The following CPXM1 variants were observed in gnomAD, a reference collection of about 807,000 sequenced individuals.
The protein encoded by CPXM1 is carboxypeptidase X, M14 family member 1, also known as probable carboxypeptidase X1.
Under a neutral mutation model 80.4 loss-of-function variants are expected in CPXM1, and 72 were observed. That is an observed-to-expected ratio of 0.90 (90% confidence interval 0.74 to 1.09). The LOEUF (loss-of-function observed/expected upper bound fraction) is 1.09. CPXM1 is among the 50% of genes least tolerant of loss of function. The pLI is 0.00. For missense variants in CPXM1, 892 were observed against 999.4 expected, an observed-to-expected ratio of 0.89 and a Z score of 1.45; for synonymous variants, 403 against 405.6, an observed-to-expected ratio of 0.99 and a Z score of 0.08.
At position 2,796,069 on chromosome 20, in the gene CPXM1, C is replaced by T; in HGVS notation, c.1335G>A (p.Trp445Ter). ...GCACCTTCCCATCGTCCTGTGCTTCCCACAGTGGTGTGTTGAGGTCAGCAA... is the reference window on the plus strand; with the variant it reads ...GCACCTTCCCATCGTCCTGTGCTTCTCACAGTGGTGTGTTGAGGTCAGCAA... ...HNFADLNTPL[W>*]EAQDDGKVPH... Residue 445 changes from tryptophan to a stop codon, truncating the protein, a stop_gained, in exon 10 of 14, where the codon TGG (tryptophan) becomes TGA (stop). Transcript: ENST00000380605. LOFTEE classifies it high-confidence loss of function. This position sits in a 1 kb window ranked among gnomAD's most constrained non-coding sequence, Gnocchi z 6.8. 1.2e-6 allele frequency: 2 copies of T among 1,614,070 alleles called. No individual in the cohort carries two copies. The highest frequency in any genetic ancestry group is 1.7e-6 in the Non-Finnish European group (2 of 1,179,984).
chr20:2,794,145 G>A lies in CPXM1; in HGVS notation c.*45C>T, dbSNP rs557553461. The A allele has an allele frequency of 4.0e-5, 63 of 1,556,978 alleles. No individual in the cohort carries two copies. The highest frequency in any genetic ancestry group is 1.1e-4 in the East Asian group (5 of 44,302). ...CTCCCTCTCTACTCTTCCCCTTCCC[G>A]TCTTGACAGGTCCAGCCTGCCCTAG... is the stretch of plus-strand genomic sequence containing the variant. On this transcript the variant is annotated 3_prime_UTR_variant, in exon 14 of 14. Transcript: ENST00000380605. The surrounding 1 kb of genome is among the most constrained non-coding windows in gnomAD (Gnocchi z 5.2).
chr20:2,795,764 C>T lies in CPXM1; in HGVS notation c.1555G>A (p.Glu519Lys), dbSNP rs758008735. The stretch of plus-strand genomic sequence containing the variant: ...GCATCATCTGGTGTGGGCGTGAGCT[C>T]GCGGGCAGCCCACGGGGTGCGAGTC... ...DMTRTPWAARELTPTPDDAVF... is the reference protein window; with the variant it reads ...DMTRTPWAARKLTPTPDDAVF... Residue 519 changes from glutamate (E) to lysine (K), a missense_variant, in exon 11 of 14, where the codon GAG becomes AAG. By Grantham distance (56) the Glu-to-Lys change is moderately conservative. Coordinates refer to ENST00000380605, the MANE Select transcript of CPXM1 (RefSeq NM_019609.5). This position sits in a 1 kb window ranked among gnomAD's most constrained non-coding sequence, Gnocchi z 5.4. The T allele has an allele frequency of 7.4e-6, 12 of 1,613,270 alleles. No homozygotes were observed. The African/African-American group carries it at 9.3e-5, about 13-fold the overall frequency.
chr20:2,799,719 C>T (rs1338055916), intron 1 of CPXM1, among the ~76,000 whole-genome samples: 1 of 152,216 alleles, frequency 6.6e-6, no homozygotes, highest in Non-Finnish European at 1.5e-5. Flanking sequence ...CGCTCCTCCT[C>T]TCCTATTCCA....
chr20:2,798,946 G>C (rs913831908), intron 1 of CPXM1, 53 bp from the exon 2 acceptor site: 118 of 1,565,900 alleles, frequency 7.5e-5, no homozygotes, highest in Middle Eastern at 5.6e-4. Context: ...TGAAACCCCG[G>C]ATGGAAAGGT....
At position 2,794,313 on chromosome 20, in the gene CPXM1, G is replaced by T. The variant is rs755520149; in HGVS notation, c.2082C>A (p.Phe694Leu). 2 of 1,614,192 alleles carry T rather than the reference G, an allele frequency of 1.2e-6. No homozygotes were observed. The highest frequency in any genetic ancestry group is 2.2e-5 in the East Asian group (1 of 44,878). Residue 694 changes from phenylalanine to leucine, a missense_variant, in exon 14 of 14, where the codon TTC becomes TTA. Physicochemically the swap from Phe to Leu is conservative, Grantham distance 22. This residue lies in a region of CPXM1 where 874 missense variants were observed against 958.4 expected (regional missense o/e 0.91). Coordinates refer to ENST00000380605, the MANE Select transcript of CPXM1 (RefSeq NM_019609.5). This position sits in a 1 kb window ranked among gnomAD's most constrained non-coding sequence, Gnocchi z 5.2. The stretch of plus-strand genomic sequence containing the variant: ...TCTTGGTGAGCACGAAATTGCAGGG[G>T]AAGGGGCCCTCTTCAAAGGTGACCC... ...NCRVTFEEGP[F>L]PCNFVLTKTP...
rs753794101 is a variant in CPXM1 at position 2,797,235 on chromosome 20, G to A, written c.789C>T (p.Gly263=). ...RLLPQTWLQG[G]APCLRAEILA... ...GGATCTCTGCCCGGAGGCAAGGCGC[G>A]CCTCCCTGGAGCCAGGTCTGGGGCA... The change falls in exon 6 of 14, where the codon GGC becomes GGT. Residue 263 remains glycine (G), a synonymous_variant. Transcript: ENST00000380605. 2.3e-5 allele frequency: 36 copies of A among 1,572,238 alleles called. No individual in the cohort carries two copies. Among genetic ancestry groups the A allele is most frequent in the Admixed American group, 1.1e-4 (6 of 54,360 alleles).
rs1436535061 is a variant in CPXM1 at position 2,797,089 on chromosome 20, T to C, written c.838A>G (p.Asn280Asp). 2 of 1,613,872 alleles carry C rather than the reference T, an allele frequency of 1.2e-6. No homozygotes were observed. Among genetic ancestry groups the C allele is most frequent in the African/African-American group, 2.7e-5 (2 of 74,844 alleles). ...GCAGGGGCCTCAAGGAATAGGTCAT[T>C]GGGGTCTGGTGGAGGTTGAGTTTAT... ...EILACPVSDP[N>D]DLFLEAPASG... Residue 280 changes from asparagine (N) to aspartate (D), a missense_variant, in exon 7 of 14, where the codon AAT (asparagine) becomes GAT (aspartate). This residue lies in a region of CPXM1 where 874 missense variants were observed against 958.4 expected (regional missense o/e 0.91). Transcript: ENST00000380605.
Position 2,798,283 on chromosome 20 carries a change from C to T in CPXM1, c.459G>A (p.Leu153=). 6.2e-7 allele frequency: 1 copy of T among 1,613,898 alleles called. No individual in the cohort carries two copies. Among genetic ancestry groups the T allele is most frequent in the Non-Finnish European group, 8.5e-7 (1 of 1,179,968 alleles). The change falls in exon 4 of 14, where the codon CTG becomes CTA. Residue 153 remains leucine, a synonymous_variant. Coordinates refer to ENST00000380605, the MANE Select transcript of CPXM1 (RefSeq NM_019609.5). ...HRGRLNIQSG[L]EDGDLYDGAW... ...CTCCATCATATAGATCGCCGTCCTC[C>T]AGGCCTGACTGCAGACACAGGACAT... is the stretch of plus-strand genomic sequence containing the variant.
Position 2,796,826 on chromosome 20 carries a change from G to T in CPXM1, c.922-176C>A, listed in dbSNP as rs1221534434. On this transcript the variant is annotated intron_variant, in intron 7 of 13. Transcript: ENST00000380605. This position sits in a 1 kb window ranked among gnomAD's most constrained non-coding sequence, Gnocchi z 6.8. ...GGGAGGAAGGGGTAGGACTGGGGGG[G>T]CGCCATAATAAGGGAAAGTGGGATG... Among the ~76,000 whole-genome samples the T allele has an allele frequency of 3.3e-5, 5 of 152,070 alleles. No individual in the cohort carries two copies. The East Asian group carries it at 9.7e-4, about 29-fold the overall frequency.
rs2088539451 is a variant in CPXM1 at position 2,798,913 on chromosome 20, A to T, written c.173-20T>A. On this transcript the variant is annotated intron_variant, in intron 1 of 13. Transcript: ENST00000380605. ...AGGTCCCTTGGGGTCCGAGAGGCAC[A>T]GCATGGGGGAAAGGAAGAATGGTGA... 2 of 1,605,444 alleles carry T rather than the reference A, an allele frequency of 1.2e-6. No individual in the cohort carries two copies. The highest frequency in any genetic ancestry group is 1.7e-6 in the Non-Finnish European group (2 of 1,174,858).
chr20:2,797,702 G>A (rs552311958), intron 5 of CPXM1, among the ~76,000 whole-genome samples: 36 of 152,286 alleles, frequency 2.4e-4, no homozygotes, highest in Admixed American at 1.6e-3. Flanking sequence ...CAGAGGCCCC[G>A]GGCCAGAAGG....
chr20:2,796,188 C>T lies in CPXM1; in HGVS notation c.1243-27G>A, dbSNP rs1024712162. The stretch of plus-strand genomic sequence containing the variant: ...TGCCGGGCAAGAGGCTTGTTCAAGT[C>T]GAGCAGGTCCAGCCACCAGGGCAGA... On this transcript the variant is annotated intron_variant, in intron 9 of 13. Transcript: ENST00000380605. This position sits in a 1 kb window ranked among gnomAD's most constrained non-coding sequence, Gnocchi z 6.8. 10 of 1,607,426 alleles carry T rather than the reference C, an allele frequency of 6.2e-6. No individual in the cohort carries two copies. Among genetic ancestry groups the T allele is most frequent in the African/African-American group, 5.3e-5 (4 of 74,862 alleles).
Position 2,796,728 on chromosome 20 carries a change from C to T in CPXM1, c.922-78G>A. The T allele has an allele frequency of 6.4e-7, 1 of 1,573,606 alleles. No individual in the cohort carries two copies. The highest frequency in any genetic ancestry group is 8.6e-7 in the Non-Finnish European group (1 of 1,157,032). ...GCAGATCACATGTGCCATGGAAAGA[C>T]TTAAAAAGTCAGCGATGGCCCACAC... is the stretch of plus-strand genomic sequence containing the variant. On this transcript the variant is annotated intron_variant, in intron 7 of 13. Transcript: ENST00000380605. This position sits in a 1 kb window ranked among gnomAD's most constrained non-coding sequence, Gnocchi z 6.8.
In CPXM1 at chr20:2,795,559, G is replaced by C. The variant is rs1401175210; in HGVS notation, c.1720+40C>G. Reference sequence around the variant, plus strand: ...CCGCAGGCTGTCTTATCAGGGCGGGGGTTACGGGGCCAGGGCTAACTCCAC... The same window carrying C: ...CCGCAGGCTGTCTTATCAGGGCGGGCGTTACGGGGCCAGGGCTAACTCCAC... On this transcript the variant is annotated intron_variant, in intron 11 of 13. Transcript: ENST00000380605. The surrounding 1 kb of genome is among the most constrained non-coding windows in gnomAD (Gnocchi z 5.4). 1 of 1,600,992 alleles carries C rather than the reference G, an allele frequency of 6.2e-7. No individual in the cohort carries two copies. The highest frequency in any genetic ancestry group is 8.5e-7 in the Non-Finnish European group (1 of 1,171,248).
At position 2,796,665 on chromosome 20, in the gene CPXM1, G is replaced by A. The variant is rs1346791644; in HGVS notation, c.922-15C>T. Reference sequence around the variant, plus strand: ...TGCTTCATCAGCTGGTGGGCAGAGTGTAGCGTGGCATGAGGCATGGGAGGG... The same window carrying A: ...TGCTTCATCAGCTGGTGGGCAGAGTATAGCGTGGCATGAGGCATGGGAGGG... On this transcript the variant is annotated splice_polypyrimidine_tract_variant and intron_variant, in intron 7 of 13. Coordinates refer to ENST00000380605, the MANE Select transcript of CPXM1 (RefSeq NM_019609.5). This position sits in a 1 kb window ranked among gnomAD's most constrained non-coding sequence, Gnocchi z 6.8. 1 of 1,613,724 alleles carries A rather than the reference G, an allele frequency of 6.2e-7. No homozygotes were observed. The highest frequency in any genetic ancestry group is 1.1e-5 in the South Asian group (1 of 91,068).
intron 2 of CPXM1, 54 bp downstream of exon 2, chr20:2,798,672 G>C (rs993196145): frequency 6.3e-7 from 1 of 1,580,834 alleles, no homozygotes; most frequent in Non-Finnish European, 8.6e-7. Context: ...GAGCTGTGCT[G>C]GTAAAGTGCC....
chr20:2,798,516 T>C lies in CPXM1; in HGVS notation c.362A>G (p.Glu121Gly). ...QETGCPPLGL[E>G]SLRVSDSRLE... ...CCGGCTATCTGAAACTCGCAGGGAC[T>C]CCAGACCCAAAGGAGGACAGCCTGG... The change falls in exon 3 of 14, where the codon GAG becomes GGG. Residue 121 changes from glutamate (E) to glycine (G), a missense_variant. Transcript: ENST00000380605. 6.2e-7 allele frequency: 1 copy of C among 1,614,064 alleles called. No individual in the cohort carries two copies. The highest frequency in any genetic ancestry group is 8.5e-7 in the Non-Finnish European group (1 of 1,179,956).
chr20:2,800,419 G>T lies in CPXM1; in HGVS notation c.154C>A (p.Pro52Thr). 6.5e-7 allele frequency: 1 copy of T among 1,529,904 alleles called. No individual in the cohort carries two copies. Among genetic ancestry groups the T allele is most frequent in the Non-Finnish European group, 8.7e-7 (1 of 1,146,616 alleles). The allele number at this position is 1,529,904 out of a possible 1,614,324, so 94.8% of individuals were successfully genotyped here. ...PALHSSPAQP[P>T]AETANGTSEQ... ...AACTCACCGTTAGCTGTCTCCGCCG[G>T]CGGCTGTGCCGGGCTGCTATGCAGG... The change falls in exon 1 of 14, where the codon CCG (proline) becomes ACG (threonine). Residue 52 changes from proline to threonine, a missense_variant. Transcript: ENST00000380605.
intron 1 of CPXM1, among the ~76,000 whole-genome samples, chr20:2,799,145 G>A (rs1163095888): frequency 1.3e-5 from 2 of 152,122 alleles, no homozygotes; most frequent in Non-Finnish European, 2.9e-5. Context: ...CTAATCCAAT[G>A]GAGAGCTGCA....
Sources: gnomAD v4.1 joint callset for allele counts (sites outside exome capture counted in the v4.1 genomes callset) on GRCh38, gnomAD v4.1.1 for gene constraint, gnomAD v4.1.1 regional missense constraint, Gnocchi (gnomAD v3.1) non-coding constraint, MANE v1.5 for transcripts, NCBI Gene and HGNC (gene_info 2026-07-23, HGNC 2026-07-21) for gene names.